The following SNX25 variants were observed in gnomAD, a reference collection of about 807,000 sequenced individuals.
SNX25 encodes sorting nexin-25.
Under a neutral mutation model 113.7 loss-of-function variants are expected in SNX25, and 62 were observed. The ratio of observed to expected loss-of-function variants is 0.55; its 90% CI spans 0.44 to 0.67. The LOEUF (loss-of-function observed/expected upper bound fraction) is 0.67, where lower values mean the gene tolerates loss of function less well. Among genes scored for constraint, SNX25 ranks in the 30% least tolerant of loss-of-function variants. The probability of loss-of-function intolerance (pLI) is 0.00; values close to 1 mark genes in which losing one functional copy is unlikely to be tolerated. For synonymous variants in SNX25, 421 were observed against 436.2 expected (o/e 0.97, Z 0.43); for missense variants, 1,014 against 1,161.0 (o/e 0.87, Z 1.84).
At chr4:185,256,001 T>C (rs1266778589) in intron 2 of SNX25, among the ~76,000 whole-genome samples, 1 of 152,186 alleles carries the variant, frequency 6.6e-6, no homozygotes, top group Non-Finnish European at 1.5e-5. Context: ...CTAGAAAACA[T>C]AACAACCATA....
intron 1 of SNX25, among the ~76,000 whole-genome samples, chr4:185,217,623 G>A (rs937676892): frequency 2.0e-5 from 3 of 152,218 alleles, no homozygotes; most frequent in Middle Eastern, 3.4e-3. Flanking sequence ...ATGTCACATT[G>A]GTAATGGTAA....
At position 185,251,058 on chromosome 4, in the gene SNX25, G is replaced by C. The variant is rs146784054; in HGVS notation, c.514+3680G>C. Among the ~76,000 whole-genome samples, 533 of 152,086 alleles carry C rather than the reference G, an allele frequency of 3.5e-3. 1 individual carries two copies. Among genetic ancestry groups the C allele is most frequent in the Non-Finnish European group, 5.4e-3 (368 of 67,978 alleles). On this transcript the variant is annotated intron_variant, in intron 2 of 18. Transcript: ENST00000652585. ...CGCCCAGGCTGGAGTGCAGTGGCATGATCTTGGCTCACTGCAACCTCTGCC... is the reference window on the plus strand; with the variant it reads ...CGCCCAGGCTGGAGTGCAGTGGCATCATCTTGGCTCACTGCAACCTCTGCC...
intron 10 of SNX25, among the ~76,000 whole-genome samples, chr4:185,335,395 G>A (rs1428048539): frequency 6.6e-6 from 1 of 151,364 alleles, no homozygotes; most frequent in East Asian, 1.9e-4. Context: ...TGTTGAAAAA[G>A]GTTTTGACAA....
At chr4:185,256,445 A>G (rs1013452696) in intron 2 of SNX25, among the ~76,000 whole-genome samples, 1 of 152,154 alleles carries the variant, frequency 6.6e-6, no homozygotes, top group Non-Finnish European at 1.5e-5. Context: ...ATATACTTCC[A>G]TGGTTGATAT....
At position 185,323,655 on chromosome 4, in the gene SNX25, T is replaced by TA. The variant is rs1466501936; in HGVS notation, c.1605dup (p.Phe536IlefsTer10). 6.2e-7 allele frequency: 1 copy of TA among 1,613,678 alleles called. No homozygotes were observed. The highest frequency in any genetic ancestry group is 8.5e-7 in the Non-Finnish European group (1 of 1,179,844). On this transcript the variant is annotated frameshift_variant, in exon 9 of 19. Transcript: ENST00000652585. LOFTEE classifies it high-confidence loss of function. ...CTTGTAGGAAATAAAGGTATTGAAG[T>TA]ATTCTACAAAATCCAGGAAGATGTT... is the stretch of plus-strand genomic sequence containing the variant.
In SNX25 at chr4:185,342,039, G is replaced by A. The variant is rs578092019; in HGVS notation, c.2110G>A (p.Gly704Arg). 2.5e-6 allele frequency: 4 copies of A among 1,611,416 alleles called. No individual in the cohort carries two copies. The South Asian group carries it at 3.3e-5, about 13-fold the overall frequency. ...YFVMVSLQEV[G>R]GVETKNWTVP... is the part of the protein sequence containing the mutation. Reference sequence around the variant, plus strand: ...TGTCATGGTAAGCCTACAAGAAGTTGGAGGAGTTGAAACTAAGAACTGGAC... The same window carrying A: ...TGTCATGGTAAGCCTACAAGAAGTTAGAGGAGTTGAAACTAAGAACTGGAC... Residue 704 changes from glycine (G) to arginine (R), a missense_variant, in exon 12 of 19, where the codon GGA becomes AGA. By Grantham distance (125) the Gly-to-Arg change is moderately radical. Transcript: ENST00000652585.
At chr4:185,295,794 T>C (rs1752760543) in intron 6 of SNX25, 1 of 152,092 alleles carries the variant, frequency 6.6e-6, no homozygotes, top group African/African-American at 2.4e-5. Flanking sequence ...CAAGAGATGA[T>C]ATGCAATTGT....
At position 185,353,261 on chromosome 4, in the gene SNX25, AT is replaced by A. The variant is rs961604557; in HGVS notation, c.2467-215del. Reference sequence around the variant, plus strand: ...TTCACTGATTATAATACAGCGACAGATTTTTTTTTAAATTAGCTTATTTTAA... The same window carrying A: ...TTCACTGATTATAATACAGCGACAGATTTTTTTTAAATTAGCTTATTTTAA... On this transcript the variant is annotated intron_variant, in intron 14 of 18. Coordinates refer to ENST00000652585, the MANE Select transcript of SNX25 (RefSeq NM_001378034.2). 404 of 424,500 alleles carry A rather than the reference AT, an allele frequency of 9.5e-4. 1 individual carries two copies. Among genetic ancestry groups the A allele is most frequent in the South Asian group, 1.3e-3 (22 of 17,420 alleles). 26.3% of individuals were successfully genotyped at this position (424,500 alleles called of 1,614,324 possible).
In SNX25 at chr4:185,362,022, C is replaced by T. The variant is rs754322566; in HGVS notation, c.2750C>T (p.Ala917Val). Reference protein sequence around the residue: ...RDAFWPNGKLAPPTTIRSKEQ... With the variant: ...RDAFWPNGKLVPPTTIRSKEQ... ...GCTTTTTGGCCAAATGGGAAGTTGG[C>T]ACCACCGACCACAATCAGAAGCAAA... The change falls in exon 17 of 19, where the codon GCA becomes GTA. Residue 917 changes from alanine to valine, a missense_variant. Transcript: ENST00000652585. 3 of 1,613,934 alleles carry T rather than the reference C, an allele frequency of 1.9e-6. No homozygotes were observed. The highest frequency in any genetic ancestry group is 2.2e-5 in the East Asian group (1 of 44,876).
chr4:185,206,231 A>C (rs566931006), upstream of SNX25, among the ~76,000 whole-genome samples: 58 of 152,362 alleles, frequency 3.8e-4, no homozygotes, highest in African/African-American at 1.3e-3. Context: ...GAATAGCCAA[A>C]AGGCGGAAAA....
chr4:185,350,468 G>A (rs1184427255), intron 13 of SNX25, among the ~76,000 whole-genome samples: 4 of 152,220 alleles, frequency 2.6e-5, no homozygotes, highest in Admixed American at 2.6e-4. Flanking sequence ...CATAGCACTT[G>A]TACATAGACA....
downstream of SNX25, chr4:185,373,195 G>A: frequency 1.0e-6 from 1 of 969,154 alleles, no homozygotes; most frequent in Non-Finnish European, 1.5e-6. Context: ...TCATCTCTAG[G>A]AAAGAGCGGT....
At chr4:185,213,091 T>G (rs565201318) in intron 1 of SNX25, among the ~76,000 whole-genome samples, 1 of 152,376 alleles carries the variant, frequency 6.6e-6, no homozygotes, top group Non-Finnish European at 1.5e-5. Context: ...TGCTTCTGAA[T>G]ACTTCATAGT....
chr4:185,239,783 T>G (rs1010017326), intron 1 of SNX25, among the ~76,000 whole-genome samples: 1 of 149,700 alleles, frequency 6.7e-6, no homozygotes, highest in Non-Finnish European at 1.5e-5. Context: ...TCTTTTTTTT[T>G]TTTTTTATTG....
At chr4:185,352,544 C>G (rs921214079) in intron 14 of SNX25, among the ~76,000 whole-genome samples, 2 of 152,200 alleles carry the variant, frequency 1.3e-5, no homozygotes, top group Non-Finnish European at 2.9e-5. Flanking sequence ...TCTCACCTCC[C>G]TTTTATTCCT....
In SNX25 at chr4:185,258,978, T is replaced by A. The variant is rs776287263; in HGVS notation, c.645T>A (p.Ser215Arg). 4.3e-6 allele frequency: 7 copies of A among 1,614,142 alleles called. No individual in the cohort carries two copies. In the East Asian group the frequency reaches 1.6e-4, roughly 36 times the overall value. ...EIARQLHHRL[S>R]HVDVVKVVCN... The stretch of plus-strand genomic sequence containing the variant: ...CCAGACAGCTGCACCACAGACTGAG[T>A]CACGTGGATGTGGTTAAAGTTGTCT... The change falls in exon 3 of 19, where the codon AGT becomes AGA. Residue 215 changes from serine to arginine, a missense_variant. Physicochemically the swap from Ser to Arg is moderately radical, Grantham distance 110. Coordinates refer to ENST00000652585, the MANE Select transcript of SNX25 (RefSeq NM_001378034.2).
At chr4:185,320,201 C>T (rs765080000) in intron 7 of SNX25, among the ~76,000 whole-genome samples, 2 of 152,088 alleles carry the variant, frequency 1.3e-5, no homozygotes, top group Non-Finnish European at 2.9e-5. Context: ...GCACTGTTTA[C>T]AATAGCAAAG....
At chr4:185,282,867 T>C (rs1267174848) in intron 5 of SNX25, among the ~76,000 whole-genome samples, 1 of 152,192 alleles carries the variant, frequency 6.6e-6, no homozygotes, top group African/African-American at 2.4e-5. Flanking sequence ...CAAAGTCGTA[T>C]CCTCCTCTGG....
chr4:185,339,085 C>T (rs1012503758), intron 10 of SNX25, among the ~76,000 whole-genome samples: 1 of 152,154 alleles, frequency 6.6e-6, no homozygotes, highest in Non-Finnish European at 1.5e-5. Flanking sequence ...TTAATTCTTC[C>T]AATCCATGAA....
Sources: gnomAD v4.1 joint callset for allele counts (sites outside exome capture counted in the v4.1 genomes callset) on GRCh38, gnomAD v4.1.1 for gene constraint, MANE v1.5 for transcripts, NCBI Gene and HGNC (gene_info 2026-07-23, HGNC 2026-07-21) for gene names.